The following FIGLA variants were observed in gnomAD, a reference collection of about 807,000 sequenced individuals.
The protein encoded by FIGLA is factor in the germline alpha.
FIGLA carries 17 observed loss-of-function variants against 21.5 expected under a neutral mutation model. The ratio of observed to expected loss-of-function variants is 0.79; its 90% CI spans 0.54 to 1.19. The LOEUF is 1.19. FIGLA is among the 50% of genes most tolerant of loss of function. FIGLA has a pLI of 0.00. For synonymous variants in FIGLA, 129 were observed against 117.6 expected (o/e 1.10, Z -0.63); for missense variants, 282 against 285.0 (o/e 0.99, Z 0.08).
At chr2:70,789,687 C>T (rs975603417) in intron 1 of FIGLA, among the ~76,000 whole-genome samples, 2 of 152,188 alleles carry the variant, frequency 1.3e-5, no homozygotes, top group Admixed American at 1.3e-4. Context: ...GCCTCTGCTG[C>T]AACCAAACCC....
In FIGLA at chr2:70,777,624, T is replaced by C. The variant is rs1553388504; in HGVS notation, c.644+13A>G. ...TAAATTGGCACTATGCATCAGGTTA[T>C]AGAATGACCTACCTGTGACTCAGCA... On this transcript the variant is annotated intron_variant, in intron 4 of 4. Transcript: ENST00000332372. The C allele has an allele frequency of 2.5e-6, 4 of 1,602,154 alleles. No homozygotes were observed. Among genetic ancestry groups the C allele is most frequent in the South Asian group, 1.1e-5 (1 of 88,578 alleles).
chr2:70,778,209 C>A (rs1675794128), intron 3 of FIGLA, among the ~76,000 whole-genome samples: 1 of 152,044 alleles, frequency 6.6e-6, no homozygotes, highest in Admixed American at 6.5e-5. Flanking sequence ...TCACCCACAT[C>A]CCCCCCAACC....
chr2:70,787,641 A>G lies in FIGLA; in HGVS notation c.384+8T>C. The G allele has an allele frequency of 6.4e-7, 1 of 1,555,118 alleles. No homozygotes were observed. Among genetic ancestry groups the G allele is most frequent in the Non-Finnish European group, 8.7e-7 (1 of 1,148,928 alleles). On this transcript the variant is annotated splice_region_variant and intron_variant, in intron 2 of 4. Coordinates refer to ENST00000332372, the MANE Select transcript of FIGLA (RefSeq NM_001004311.3). The stretch of plus-strand genomic sequence containing the variant: ...GGCTATCATTATTCTAAAATCTTAC[A>G]CCTTTACCTTTGAGTCTTTGGCTCC...
At chr2:70,788,028 T>C (rs1553390302) in intron 1 of FIGLA, among the ~76,000 whole-genome samples, 1 of 152,226 alleles carries the variant, frequency 6.6e-6, no homozygotes, top group Non-Finnish European at 1.5e-5. Context: ...GGTGTGTTCA[T>C]GTTCATGCTG....
chr2:70,779,529 G>A (rs1186669208), intron 3 of FIGLA, among the ~76,000 whole-genome samples: 1 of 152,134 alleles, frequency 6.6e-6, no homozygotes, highest in Non-Finnish European at 1.5e-5. Flanking sequence ...AATGCTATAG[G>A]AAGAAATGTC....
At chr2:70,789,266 T>A (rs1676014093) in intron 1 of FIGLA, among the ~76,000 whole-genome samples, 1 of 152,142 alleles carries the variant, frequency 6.6e-6, no homozygotes, top group African/African-American at 2.4e-5. Context: ...TCTTCACTCA[T>A]TTCTGTCTTT....
intron 1 of FIGLA, 95 bp downstream of exon 1, chr2:70,790,313 G>T: frequency 7.5e-7 from 1 of 1,327,876 alleles, no homozygotes; most frequent in Non-Finnish European, 9.9e-7. Context: ...GCCTCGAGCG[G>T]GGGTGGGCGG....
chr2:70,784,221 C>T (rs1675905926), intron 3 of FIGLA, among the ~76,000 whole-genome samples: 2 of 152,172 alleles, frequency 1.3e-5, no homozygotes, highest in Admixed American at 6.5e-5. Context: ...GCCCTGCCCC[C>T]ACCAGCCAGC....
intron 1 of FIGLA, among the ~76,000 whole-genome samples, chr2:70,788,845 G>A (rs1349754804): frequency 1.3e-5 from 2 of 152,158 alleles, no homozygotes; most frequent in Non-Finnish European, 2.9e-5. Context: ...TATCTAGAAA[G>A]CAATTGGGTA....
At chr2:70,789,599 T>A (rs7575735) in intron 1 of FIGLA, among the ~76,000 whole-genome samples, 83,313 of 151,778 alleles carry the variant, frequency 0.55, 24,275 homozygotes, top group East Asian at 0.73. Flanking sequence ...CCCCGGGCGG[T>A]ACTTCTCTCC....
At chr2:70,785,679 A>G (rs782167353) in intron 2 of FIGLA, 40 bp from the exon 3 acceptor site, 2 of 1,499,594 alleles carry the variant, frequency 1.3e-6, no homozygotes, top group Non-Finnish European at 1.9e-6. Context: ...ATAATATGAC[A>G]GAAAGATTTT....
intron 3 of FIGLA, 72 bp downstream of exon 3, chr2:70,785,343 A>C: frequency 1.6e-6 from 2 of 1,222,604 alleles, no homozygotes; most frequent in Non-Finnish European, 2.3e-6. Flanking sequence ...GCATGGAAAA[A>C]TGACTCATAT....
rs1553389848 is a variant in FIGLA at position 70,785,576 on chromosome 2, T to C, written c.448A>G (p.Arg150Gly). 6.2e-7 allele frequency: 1 copy of C among 1,614,040 alleles called. No homozygotes were observed. The highest frequency in any genetic ancestry group is 8.5e-7 in the Non-Finnish European group (1 of 1,179,894). ...TGGGTGATGTTTCTTGACAGCTGTC[T>C]TGCCGAGGATGTATGTGATTCAGAA... ...NSSESHTSSA[R>G]QLSRNITQHI... is the part of the protein sequence containing the mutation. The change falls in exon 3 of 5, where the codon AGA becomes GGA. Residue 150 changes from arginine (R) to glycine (G), a missense_variant. Physicochemically the swap from Arg to Gly is moderately radical, Grantham distance 125. Coordinates refer to ENST00000332372, the MANE Select transcript of FIGLA (RefSeq NM_001004311.3).
In FIGLA at chr2:70,777,322, T is replaced by C. The variant is rs1553388390; in HGVS notation, c.*45A>G. On this transcript the variant is annotated 3_prime_UTR_variant, in exon 5 of 5. Transcript: ENST00000332372. ...AGAGAGACTCCAAAACTTTCAAGAC[T>C]GCATTTATTTGTCTCTAGAAGGTAA... is the stretch of plus-strand genomic sequence containing the variant. 1 of 1,331,784 alleles carries C rather than the reference T, an allele frequency of 7.5e-7. No individual in the cohort carries two copies. The highest frequency in any genetic ancestry group is 1.0e-6 in the Non-Finnish European group (1 of 988,310). 82.5% of individuals were successfully genotyped at this position (1,331,784 alleles called of 1,614,324 possible). A position where few individuals can be genotyped will look rare whatever the true frequency, so the allele number is the denominator to read the frequency against.
chr2:70,787,553 T>C, intron 2 of FIGLA, 96 bp downstream of exon 2: 2 of 1,256,736 alleles, frequency 1.6e-6, no homozygotes, highest in Non-Finnish European at 2.2e-6. Flanking sequence ...AAACCTTAAG[T>C]GGAAAGTATA....
chr2:70,782,317 C>T (rs2080394), intron 3 of FIGLA, among the ~76,000 whole-genome samples: 100,027 of 152,042 alleles, frequency 0.66, 34,103 homozygotes, highest in East Asian at 0.91. Flanking sequence ...TTCCTGCCGA[C>T]GATGCATATC....
At chr2:70,785,772 A>C in intron 2 of FIGLA, 133 bp from the exon 3 acceptor site, 1 of 711,126 alleles carries the variant, frequency 1.4e-6, no homozygotes, top group South Asian at 1.8e-5. Flanking sequence ...GTCATTATGG[A>C]GAGAAAAGCA....
chr2:70,786,221 T>C (rs1675952406), intron 2 of FIGLA, among the ~76,000 whole-genome samples: 3 of 140,944 alleles, frequency 2.1e-5, no homozygotes, highest in Non-Finnish European at 3.0e-5. Flanking sequence ...TCTAACAACT[T>C]TTCTGCCTTT....
intron 2 of FIGLA, 34 bp from the exon 3 acceptor site, chr2:70,785,673 T>A: frequency 6.6e-7 from 1 of 1,523,088 alleles, no homozygotes; most frequent in Non-Finnish European, 9.1e-7. Context: ...AACAGTATAA[T>A]ATGACAGAAA....
Sources: allele counts gnomAD v4.1 joint callset (sites outside exome capture counted in the v4.1 genomes callset), GRCh38; gene constraint gnomAD v4.1.1; transcripts MANE v1.5; gene names NCBI Gene and HGNC (gene_info 2026-07-23, HGNC 2026-07-21).